GSDMA: variants seen among roughly 807,000 people sequenced by gnomAD.
GSDMA encodes gasdermin A, also known as gasdermin-A.
In GSDMA, 55 loss-of-function variants were observed where a neutral mutation model predicts 54.3. The ratio of observed to expected loss-of-function variants is 1.01; its 90% confidence interval spans 0.82 to 1.27. The LOEUF is 1.27. Ranked by LOEUF, GSDMA falls within the 50% of genes most tolerant of loss-of-function variation. The pLI, the probability that GSDMA is intolerant of heterozygous loss-of-function variation, is 0.00. For synonymous variants in GSDMA, 211 were observed against 224.7 expected (o/e 0.94, Z 0.54); for missense variants, 542 against 542.6 (o/e 1.00, Z 0.01).
At chr17:39,968,997 G>A (rs1189685651) in intron 3 of GSDMA, among the ~76,000 whole-genome samples, 12 of 152,148 alleles carry the variant, frequency 7.9e-5, no homozygotes, top group Non-Finnish European at 8.8e-5. Flanking sequence ...TTGGAAATAA[G>A]GGCCTGGAGC....
chr17:39,963,168 C>T (rs1407652255), intron 1 of GSDMA, 83 bp downstream of exon 1: 3 of 152,370 alleles, frequency 2.0e-5, no homozygotes. Context: ...AATGGAACTC[C>T]CCTAGAGTCC....
chr17:39,973,478 T>C (rs1487378445), intron 7 of GSDMA, among the ~76,000 whole-genome samples: 1 of 151,272 alleles, frequency 6.6e-6, no homozygotes, highest in African/African-American at 2.4e-5. Flanking sequence ...GCCAGGCTGG[T>C]CTCAAACTCC....
At chr17:39,967,681 T>C in intron 3 of GSDMA, among the ~76,000 whole-genome samples, 1 of 152,150 alleles carries the variant, frequency 6.6e-6, no homozygotes, top group Non-Finnish European at 1.5e-5. Flanking sequence ...TTTTCTTCTT[T>C]TTTTGTTTGA....
At chr17:39,964,304 C>A (rs1979536992) in intron 1 of GSDMA, among the ~76,000 whole-genome samples, 1 of 152,118 alleles carries the variant, frequency 6.6e-6, no homozygotes, top group Non-Finnish European at 1.5e-5. Context: ...CACAGAGGCT[C>A]ACACCTGTAA....
intron 4 of GSDMA, among the ~76,000 whole-genome samples, chr17:39,970,978 C>G (rs1266173228): frequency 6.6e-6 from 1 of 152,168 alleles, no homozygotes; most frequent in Non-Finnish European, 1.5e-5. Context: ...CTCGGAAAGT[C>G]ATCAGGTTCA....
intron 1 of GSDMA, among the ~76,000 whole-genome samples, chr17:39,965,221 GA>G (rs1341356557): frequency 9.0e-6 from 1 of 110,516 alleles, no homozygotes; most frequent in African/African-American, 4.4e-5. Context: ...AAAGAGGAAA[GA>G]AAGAAAGAAG....
At chr17:39,968,838 T>C (rs1337566991) in intron 3 of GSDMA, among the ~76,000 whole-genome samples, 2 of 152,094 alleles carry the variant, frequency 1.3e-5, no homozygotes, top group Non-Finnish European at 2.9e-5. Flanking sequence ...TTTACCCAGG[T>C]TGTGACATTA....
intron 10 of GSDMA, 99 bp from the exon 11 acceptor site, chr17:39,975,825 T>C (rs1980173471): frequency 1.2e-6 from 1 of 864,792 alleles, no homozygotes; most frequent in African/African-American, 1.7e-5. Context: ...TGTAATTACA[T>C]CCAATGAATG....
At chr17:39,975,759 C>T (rs1289542844) in intron 10 of GSDMA, among the ~76,000 whole-genome samples, 165 bp from the exon 11 acceptor site, 1 of 152,150 alleles carries the variant, frequency 6.6e-6, no homozygotes, top group East Asian at 1.9e-4. Context: ...GAAGCCTGCC[C>T]TCCGACTCCA....
chr17:39,965,360 C>G (rs1206086762), intron 1 of GSDMA, among the ~76,000 whole-genome samples: 1 of 151,934 alleles, frequency 6.6e-6, no homozygotes, highest in Non-Finnish European at 1.5e-5. Flanking sequence ...AAGAAGTGCT[C>G]CAGCTGGGCT....
chr17:39,973,343 CACT>C (rs1980046690), intron 7 of GSDMA, among the ~76,000 whole-genome samples: 1 of 150,734 alleles, frequency 6.6e-6, no homozygotes, highest in African/African-American at 2.4e-5. Flanking sequence ...GATCTCCACT[CACT>C]GCAAACTCTG....
At chr17:39,972,997 G>A (rs1980024927) in intron 7 of GSDMA, among the ~76,000 whole-genome samples, 1 of 151,944 alleles carries the variant, frequency 6.6e-6, no homozygotes, top group Non-Finnish European at 1.5e-5. Context: ...TTTGGATGGA[G>A]TTTCACTCTT....
At chr17:39,975,091 G>C (rs1438587001) in intron 10 of GSDMA, 77 bp downstream of exon 10, 2 of 785,838 alleles carry the variant, frequency 2.5e-6, no homozygotes, top group Non-Finnish European at 4.4e-6. Context: ...TTCCCAAATG[G>C]ATGAATAAAT....
chr17:39,974,850 T>C lies in GSDMA; in HGVS notation c.907-50T>C, dbSNP rs756697539. 1.4e-5 allele frequency: 14 copies of C among 1,005,920 alleles called. No homozygotes were observed. In the Admixed American group the frequency reaches 3.0e-4, roughly 21 times the overall value. The allele number at this position is 1,005,920 out of a possible 1,614,324, so 62.3% of individuals were successfully genotyped here. Reference sequence around the variant, plus strand: ...GGGTTATTATGTGCTGGGCCCTGGGTTGGGCCCTTTCCTATGTTATCTTCA... The same window carrying C: ...GGGTTATTATGTGCTGGGCCCTGGGCTGGGCCCTTTCCTATGTTATCTTCA... On this transcript the variant is annotated intron_variant, in intron 9 of 11. Transcript: ENST00000301659.
rs1427068176 is a variant in GSDMA, at chr17:39,966,364, C to T, written c.319C>T (p.Leu107Phe). ...KTVKVKGTAG[L>F]SQNSTLEVQT... ...GGTGAAGGTGAAGGGAACGGCAGGG[C>T]TCTCGCAGAACAGCACTCTGGAGGT... The change falls in exon 3 of 12, where the codon CTC becomes TTC. Residue 107 changes from leucine (L) to phenylalanine (F), a missense_variant. Physicochemically the swap from Leu to Phe is conservative, Grantham distance 22. Transcript: ENST00000301659. The T allele has an allele frequency of 2.5e-6, 4 of 1,613,898 alleles. No individual in the cohort carries two copies. Among genetic ancestry groups the T allele is most frequent in the East Asian group, 2.2e-5 (1 of 44,880 alleles).
At chr17:39,971,140 G>C (rs898752436) in intron 4 of GSDMA, among the ~76,000 whole-genome samples, 2 of 152,318 alleles carry the variant, frequency 1.3e-5, no homozygotes, top group Non-Finnish European at 2.9e-5. Flanking sequence ...GTCATGGAAG[G>C]CGTCCTGAAA....
At chr17:39,965,624 G>A (rs1257462317) in intron 1 of GSDMA, 59 bp from the exon 2 acceptor site, 31 of 1,324,372 alleles carry the variant, frequency 2.3e-5, no homozygotes, top group East Asian at 2.2e-4. Context: ...CCTATATCCC[G>A]GGCTCCTTGG....
rs533342580 is a variant in GSDMA at position 39,976,681 on chromosome 17, C to T, written c.1096-135C>T. ...CCCACTGTATAGGGCTGTTCAAAGACCCAGATGGGGTTGTAATGTAAGGTA... is the reference window on the plus strand; with the variant it reads ...CCCACTGTATAGGGCTGTTCAAAGATCCAGATGGGGTTGTAATGTAAGGTA... On this transcript the variant is annotated intron_variant, in intron 11 of 11. Transcript: ENST00000301659. 8.5e-6 allele frequency: 10 copies of T among 1,174,996 alleles called. No homozygotes were observed. In the African/African-American group the frequency reaches 9.1e-5, roughly 11 times the overall value. 72.8% of individuals were successfully genotyped at this position (1,174,996 alleles called of 1,614,324 possible).
chr17:39,974,551 TC>T (rs1980115858), intron 9 of GSDMA, 124 bp downstream of exon 9: 2 of 1,066,066 alleles, frequency 1.9e-6, no homozygotes, highest in Non-Finnish European at 1.3e-6. Flanking sequence ...GCCAGGGGAG[TC>T]CACCTTAGAT....
Sources: gnomAD v4.1 joint callset for allele counts (sites outside exome capture counted in the v4.1 genomes callset) on GRCh38, gnomAD v4.1.1 for gene constraint, MANE v1.5 for transcripts, NCBI Gene and HGNC (gene_info 2026-07-23, HGNC 2026-07-21) for gene names.